Variants in MSI2 observed in about 807,000 individuals in gnomAD.
MSI2 encodes the protein musashi RNA binding protein 2, also known as RNA-binding protein Musashi homolog 2.
In MSI2, 17 loss-of-function variants were observed where a neutral mutation model predicts 45.6. The ratio of observed to expected loss-of-function variants is 0.37; its 90% CI spans 0.26 to 0.56. The LOEUF is 0.56. Among genes scored for constraint, MSI2 ranks in the 20% least tolerant of loss-of-function variants. The pLI is 0.77. For missense variants in MSI2, 293 were observed against 444.2 expected, an observed-to-expected ratio of 0.66 and a Z score of 3.06; for synonymous variants, 156 against 158.2, an observed-to-expected ratio of 0.99 and a Z score of 0.11.
At chr17:57,567,966 A>G (rs1409715276) in intron 7 of MSI2, among the ~76,000 whole-genome samples, 1 of 152,216 alleles carries the variant, frequency 6.6e-6, no homozygotes, top group Non-Finnish European at 1.5e-5. Flanking sequence ...TCCATTTGAT[A>G]GATGGAGATA....
intron 4 of MSI2, among the ~76,000 whole-genome samples, chr17:57,259,551 C>G (rs1053867322): frequency 1.3e-5 from 2 of 152,338 alleles, no homozygotes; most frequent in East Asian, 1.9e-4. Flanking sequence ...ATCAGGAATG[C>G]GTGCCTTCTC....
intron 6 of MSI2, among the ~76,000 whole-genome samples, chr17:57,486,030 A>G (rs1268103545): frequency 6.6e-6 from 1 of 152,252 alleles, no homozygotes; most frequent in Non-Finnish European, 1.5e-5. Flanking sequence ...TTCGCCAACC[A>G]GGCTCATTCC....
chr17:57,646,718 A>G (rs374060583), intron 10 of MSI2, among the ~76,000 whole-genome samples: 55 of 152,310 alleles, frequency 3.6e-4, no homozygotes, highest in African/African-American at 1.3e-3. Context: ...TTCTAGCAAG[A>G]ATGGGTCTTC....
intron 5 of MSI2, among the ~76,000 whole-genome samples, chr17:57,388,472 C>T (rs940155639): frequency 2.6e-5 from 4 of 152,200 alleles, no homozygotes; most frequent in African/African-American, 9.6e-5. Context: ...GTTTCTGGAA[C>T]AGTAGAATAG....
At chr17:57,522,813 A>G in intron 6 of MSI2, 1 of 152,194 alleles carries the variant, frequency 6.6e-6, no homozygotes, top group East Asian at 1.9e-4. Flanking sequence ...GCCTCCCAAC[A>G]CCTGCTGAGT....
Position 57,577,572 on chromosome 17 carries a change from G to A in MSI2, c.455-19296G>A, listed in dbSNP as rs550849599. Among the ~76,000 whole-genome samples the A allele has an allele frequency of 4.9e-4, 74 of 152,210 alleles. 1 individual carries two copies. The highest frequency in any genetic ancestry group is 1.7e-3 in the South Asian group (8 of 4,828). On this transcript the variant is annotated intron_variant, in intron 7 of 13. Transcript: ENST00000284073. ...AGATGATAGACAAGCAAGAGAAAAG[G>A]ATAAAATGAAAAAAATTAAAAAGAA...
chr17:57,419,181 TTTTC>T (rs1444554915), intron 6 of MSI2, among the ~76,000 whole-genome samples: 1 of 151,448 alleles, frequency 6.6e-6, no homozygotes, highest in African/African-American at 2.4e-5. Context: ...AGTATGGAGG[TTTTC>T]TTTTTTTTTT....
chr17:57,664,097 C>T (rs945104839), intron 11 of MSI2, among the ~76,000 whole-genome samples: 6 of 152,122 alleles, frequency 3.9e-5, no homozygotes, highest in Non-Finnish European at 4.4e-5. Context: ...CTCTACTAAA[C>T]GAGGAATTCA....
chr17:57,555,989 CT>C (rs2087427737), intron 7 of MSI2, among the ~76,000 whole-genome samples: 2 of 152,194 alleles, frequency 1.3e-5, no homozygotes, highest in African/African-American at 4.8e-5. Flanking sequence ...GCCTCAGGCA[CT>C]TTACACTGTT....
chr17:57,701,033 A>G, the MSI2 span, among the ~76,000 whole-genome samples: 24 of 152,368 alleles, frequency 1.6e-4, no homozygotes, highest in East Asian at 4.2e-3. Flanking sequence ...TCCTCCCCGG[A>G]AAAGGCCCAA....
At chr17:57,620,023 A>C (rs1908141077) in intron 9 of MSI2, among the ~76,000 whole-genome samples, 1 of 152,202 alleles carries the variant, frequency 6.6e-6, no homozygotes. Context: ...GCCCAACCCC[A>C]GGTCACAGAG....
chr17:57,474,503 T>C (rs2085500871), intron 6 of MSI2, among the ~76,000 whole-genome samples: 1 of 152,124 alleles, frequency 6.6e-6, no homozygotes, highest in South Asian at 2.1e-4. Flanking sequence ...TGGCCTTTAC[T>C]CACTACCTGC....
intron 13 of MSI2, among the ~76,000 whole-genome samples, chr17:57,677,423 G>A (rs1383357006): frequency 6.6e-6 from 1 of 152,196 alleles, no homozygotes; most frequent in Non-Finnish European, 1.5e-5. Flanking sequence ...GGGGGATAGA[G>A]GCAGGGAAGC....
intron 5 of MSI2, among the ~76,000 whole-genome samples, chr17:57,354,874 C>T (rs1916304177): frequency 6.6e-6 from 1 of 152,152 alleles, no homozygotes; most frequent in African/African-American, 2.4e-5. Context: ...GCAGAGTAGA[C>T]TCTAGAAGGC....
chr17:57,431,729 G>A (rs75911279), intron 6 of MSI2, among the ~76,000 whole-genome samples: 5,331 of 152,268 alleles, frequency 0.035, 147 homozygotes, highest in Non-Finnish European at 0.047. Flanking sequence ...CTTGATTGTG[G>A]TGGCAAGAAG....
chr17:57,657,159 C>T (rs1181683714), intron 11 of MSI2, among the ~76,000 whole-genome samples: 1 of 152,122 alleles, frequency 6.6e-6, no homozygotes, highest in Non-Finnish European at 1.5e-5. Context: ...AAAATGGTAG[C>T]GCTGTGGAAA....
chr17:57,341,546 C>T (rs766052512), intron 5 of MSI2, among the ~76,000 whole-genome samples: 2 of 152,162 alleles, frequency 1.3e-5, no homozygotes, highest in African/African-American at 2.4e-5. Context: ...TCTGTTGGCC[C>T]CTCTGCCAAG....
At chr17:57,578,195 T>A (rs1367224107) in intron 7 of MSI2, among the ~76,000 whole-genome samples, 1 of 151,612 alleles carries the variant, frequency 6.6e-6, no homozygotes, top group African/African-American at 2.4e-5. Flanking sequence ...TCTGAGTTGA[T>A]TCTCTGCTGG....
chr17:57,507,838 G>T (rs925847819), intron 6 of MSI2, among the ~76,000 whole-genome samples: 1 of 152,178 alleles, frequency 6.6e-6, no homozygotes, highest in Non-Finnish European at 1.5e-5. Context: ...TGTAGGACGG[G>T]TCTTGTTGTA....
Sources: gnomAD v4.1 joint callset for allele counts (sites outside exome capture counted in the v4.1 genomes callset) on GRCh38, gnomAD v4.1.1 for gene constraint, MANE v1.5 for transcripts, NCBI Gene and HGNC (gene_info 2026-07-23, HGNC 2026-07-21) for gene names.